The following PTPRJ variants were observed in gnomAD, a reference collection of about 807,000 sequenced individuals.
PTPRJ encodes the protein receptor-type tyrosine-protein phosphatase eta.
PTPRJ carries 129 observed loss-of-function variants against 141.3 expected under a neutral mutation model. The ratio of observed to expected loss-of-function variants is 0.91; its 90% CI spans 0.79 to 1.06. PTPRJ has a LOEUF of 1.06. PTPRJ is among the 50% of genes least tolerant of loss of function. The pLI, the probability that PTPRJ is intolerant of heterozygous loss-of-function variation, is 0.00. For synonymous variants in PTPRJ, 610 were observed against 640.5 expected (o/e 0.95, Z 0.72); for missense variants, 1,601 against 1,679.7 (o/e 0.95, Z 0.82).
intron 1 of PTPRJ, among the ~76,000 whole-genome samples, chr11:48,018,274 A>G (rs1284069455): frequency 3.3e-5 from 5 of 150,242 alleles, no homozygotes; most frequent in South Asian, 4.2e-4. Context: ...CTTTCAACCA[A>G]TTTGTGGAGA....
chr11:48,114,678 G>A (rs993089462), intron 3 of PTPRJ, among the ~76,000 whole-genome samples: 3 of 152,044 alleles, frequency 2.0e-5, no homozygotes, highest in East Asian at 1.9e-4. Flanking sequence ...TCAGGGAAAC[G>A]TGATATTACC....
At chr11:48,081,068 G>T (rs1855544728) in intron 1 of PTPRJ, among the ~76,000 whole-genome samples, 1 of 152,222 alleles carries the variant, frequency 6.6e-6, no homozygotes, top group African/African-American at 2.4e-5. Flanking sequence ...CTAGGTTTGG[G>T]GTGGGACCCC....
Position 48,091,588 on chromosome 11 carries a change from C to G in PTPRJ, c.97-18470C>G, listed in dbSNP as rs375445194. Among the ~76,000 whole-genome samples, 3 of 152,168 alleles carry G rather than the reference C, an allele frequency of 2.0e-5. No homozygotes were observed. In the South Asian group the frequency reaches 6.2e-4, roughly 32 times the overall value. On this transcript the variant is annotated intron_variant, in intron 1 of 24. Transcript: ENST00000418331. Reference sequence around the variant, plus strand: ...AAGGCAGCTCTTGACTTGGCCTTCTCTAGGGGAAAAACATGTAGTTTATGC... The same window carrying G: ...AAGGCAGCTCTTGACTTGGCCTTCTGTAGGGGAAAAACATGTAGTTTATGC...
At position 48,168,537 on chromosome 11, in the gene PTPRJ, T is replaced by C. The variant is rs1426766571; in HGVS notation, c.*1175T>C. The C allele has an allele frequency of 7.5e-5, 2 of 26,618 alleles. No homozygotes were observed. Among genetic ancestry groups the C allele is most frequent in the Non-Finnish European group, 7.4e-5 (1 of 13,600 alleles). 1.6% of individuals were successfully genotyped at this position (26,618 alleles called of 1,614,324 possible). On this transcript the variant is annotated 3_prime_UTR_variant, in exon 25 of 25. Transcript: ENST00000418331. ...GACACATATCGGAATCTACTGTGTA[T>C]ATATATATATATATATATATATATA...
In PTPRJ at chr11:48,163,619, G is replaced by T; in HGVS notation, c.3719+1G>T. The T allele has an allele frequency of 1.9e-6, 3 of 1,611,224 alleles. No homozygotes were observed. The highest frequency in any genetic ancestry group is 2.5e-6 in the Non-Finnish European group (3 of 1,177,318). On this transcript the variant is annotated splice_donor_variant, in intron 23 of 24. Transcript: ENST00000418331. LOFTEE classifies it high-confidence loss of function. ...AATCGCCGATTCTGGTGCATTGCAG[G>T]TACGCAGATGGCACGTCACGTGTGA...
At chr11:48,155,921 C>G (rs1857588646) in intron 20 of PTPRJ, 47 bp downstream of exon 20, 1 of 1,588,988 alleles carries the variant, frequency 6.3e-7, no homozygotes, top group Admixed American at 1.7e-5. Context: ...TCGATGAAAT[C>G]TTCAGTGTGC....
At chr11:47,992,415 TG>T (rs377318566) in intron 1 of PTPRJ, among the ~76,000 whole-genome samples, 6 of 152,250 alleles carry the variant, frequency 3.9e-5, no homozygotes, top group African/African-American at 1.4e-4. Flanking sequence ...CCTTGTGATC[TG>T]CCTGCCTTGG....
chr11:48,084,733 G>A (rs1377242080), intron 1 of PTPRJ, among the ~76,000 whole-genome samples: 4 of 152,180 alleles, frequency 2.6e-5, no homozygotes, highest in Non-Finnish European at 5.9e-5. Flanking sequence ...GGAGTACGTA[G>A]TGTGACCTCT....
At chr11:48,037,213 A>G (rs1158465891) in intron 1 of PTPRJ, among the ~76,000 whole-genome samples, 1 of 152,220 alleles carries the variant, frequency 6.6e-6, no homozygotes, top group Non-Finnish European at 1.5e-5. Context: ...CATATTTTCT[A>G]TATTTATGAT....
chr11:47,989,427 C>T (rs1854134645), intron 1 of PTPRJ, among the ~76,000 whole-genome samples: 1 of 151,868 alleles, frequency 6.6e-6, no homozygotes, highest in South Asian at 2.1e-4. Flanking sequence ...CCACCACGCC[C>T]AGCTAATTTT....
At chr11:48,157,074 C>T (rs1034516829) in intron 21 of PTPRJ, among the ~76,000 whole-genome samples, 4 of 152,030 alleles carry the variant, frequency 2.6e-5, no homozygotes, top group Non-Finnish European at 5.9e-5. Flanking sequence ...TTGCAACCTC[C>T]GACTCCCTGG....
intron 2 of PTPRJ, among the ~76,000 whole-genome samples, chr11:48,111,386 C>T (rs1856437334): frequency 6.7e-6 from 1 of 148,386 alleles, no homozygotes; most frequent in Non-Finnish European, 1.5e-5. Flanking sequence ...TTGTTTCTCC[C>T]CAAAATTTGG....
Position 48,137,265 on chromosome 11 carries a change from G to T in PTPRJ, c.2136G>T (p.Arg712=). 6.2e-7 allele frequency: 1 copy of T among 1,614,060 alleles called. No homozygotes were observed. The highest frequency in any genetic ancestry group is 1.7e-5 in the Admixed American group (1 of 60,016). Residue 712 remains arginine, a synonymous_variant, in exon 10 of 25, where the codon CGG becomes CGT. Coordinates refer to ENST00000418331, the MANE Select transcript of PTPRJ (RefSeq NM_002843.4). ...GGATCAAGTCACTGGAACCTGGCCGGAAGTCATTCTGTACAGGTGAGTGTA... is the reference window on the plus strand; with the variant it reads ...GGATCAAGTCACTGGAACCTGGCCGTAAGTCATTCTGTACAGGTGAGTGTA... ...GDGIKSLEPG[R]KSFCTDPASM...
rs997444267 is a variant in PTPRJ at position 48,170,517 on chromosome 11, T to C, written c.*3155T>C. ...CTTTTGAAATGCTTGATTGTACTTATTGAGCTAAACAAGTCTTGGTGACTG... is the reference window on the plus strand; with the variant it reads ...CTTTTGAAATGCTTGATTGTACTTACTGAGCTAAACAAGTCTTGGTGACTG... On this transcript the variant is annotated 3_prime_UTR_variant, in exon 25 of 25. Transcript: ENST00000418331. 1 of 152,214 alleles carries C rather than the reference T, an allele frequency of 6.6e-6. No individual in the cohort carries two copies. The highest frequency in any genetic ancestry group is 1.9e-4 in the East Asian group (1 of 5,202). 9.4% of individuals were successfully genotyped at this position (152,214 alleles called of 1,614,324 possible).
chr11:48,045,808 G>T (rs569292204), intron 1 of PTPRJ, among the ~76,000 whole-genome samples: 199 of 152,302 alleles, frequency 1.3e-3, no homozygotes, highest in African/African-American at 4.5e-3. Context: ...TGGGGTGAGG[G>T]CCTGGCCACC....
At position 48,136,022 on chromosome 11, in the gene PTPRJ, T is replaced by G; in HGVS notation, c.1616-17T>G. On this transcript the variant is annotated splice_polypyrimidine_tract_variant and intron_variant, in intron 8 of 24. Coordinates refer to ENST00000418331, the MANE Select transcript of PTPRJ (RefSeq NM_002843.4). ...GATAGTAACAGTTTTCCCTTCTCCT[T>G]CCTTTCTTCTGAGCAGTTCCCAGTG... The G allele has an allele frequency of 6.2e-7, 1 of 1,606,710 alleles. No individual in the cohort carries two copies. The highest frequency in any genetic ancestry group is 8.5e-7 in the Non-Finnish European group (1 of 1,174,408).
intron 1 of PTPRJ, among the ~76,000 whole-genome samples, chr11:48,007,121 G>A (rs1412638399): frequency 2.0e-5 from 3 of 151,454 alleles, no homozygotes; most frequent in Admixed American, 6.6e-5. Context: ...TTTATTTTGA[G>A]ACTGAGTCTC....
At chr11:48,139,379 A>T in intron 10 of PTPRJ, 107 bp from the exon 11 acceptor site, 1 of 1,247,078 alleles carries the variant, frequency 8.0e-7, no homozygotes, top group Non-Finnish European at 1.1e-6. Context: ...CTCTTCCACC[A>T]CATCACCCAC....
intron 1 of PTPRJ, among the ~76,000 whole-genome samples, chr11:48,068,783 G>T (rs61914733): frequency 0.03 from 4,588 of 152,302 alleles, 103 homozygotes; most frequent in Non-Finnish European, 0.046. Flanking sequence ...CCAGGAGCAT[G>T]GGCTGGGTCC....
Sources: allele counts gnomAD v4.1 joint callset (sites outside exome capture counted in the v4.1 genomes callset), GRCh38; gene constraint gnomAD v4.1.1; transcripts MANE v1.5; gene names NCBI Gene and HGNC (gene_info 2026-07-23, HGNC 2026-07-21).